The following MYO18B variants were observed in gnomAD, a reference collection of about 807,000 sequenced individuals.
The protein encoded by MYO18B is myosin XVIIIB.
MYO18B carries 204 observed loss-of-function variants against 273.0 expected under a neutral mutation model. That is an observed-to-expected ratio of 0.75 (90% confidence interval 0.67 to 0.84). The LOEUF is 0.84. MYO18B is among the 40% of genes least tolerant of loss of function. The pLI is 0.00. For synonymous variants in MYO18B, 1,330 were observed against 1,305.7 expected (o/e 1.02, Z -0.40); for missense variants, 3,212 against 3,287.6 (o/e 0.98, Z 0.56).
At position 25,955,104 on chromosome 22, in the gene MYO18B, A is replaced by G. The variant is rs562342494; in HGVS notation, c.5971-75A>G. The G allele has an allele frequency of 3.5e-4, 488 of 1,409,766 alleles. 4 individuals are homozygous for G. The highest frequency in any genetic ancestry group is 2.9e-3 in the Middle Eastern group (16 of 5,440). 87.3% of individuals were successfully genotyped at this position (1,409,766 alleles called of 1,614,324 possible). On this transcript the variant is annotated intron_variant, in intron 38 of 43. Transcript: ENST00000335473. The stretch of plus-strand genomic sequence containing the variant: ...ACACAGGAAACTCGGCAAAGGATTT[A>G]TCTTCCTGAGGCTCCCTTGTTTCAT...
At chr22:25,939,367 A>G (rs2092617647) in intron 34 of MYO18B, among the ~76,000 whole-genome samples, 1 of 152,252 alleles carries the variant, frequency 6.6e-6, no homozygotes, top group Non-Finnish European at 1.5e-5. Flanking sequence ...CAGCTTTAAG[A>G]TACAACAGCA....
chr22:25,802,707 C>T (rs527922910), intron 12 of MYO18B, among the ~76,000 whole-genome samples: 44 of 145,032 alleles, frequency 3.0e-4, no homozygotes, highest in African/African-American at 9.5e-4. Flanking sequence ...GAGCTGAGAT[C>T]GCGCTGCTGC....
intron 37 of MYO18B, 100 bp downstream of exon 37, chr22:25,950,550 G>GTGTA (rs539614518): frequency 1.4e-4 from 104 of 740,588 alleles, no homozygotes; most frequent in Middle Eastern, 1.1e-3. Flanking sequence ...GTGTGTGTGT[G>GTGTA]TATGAGTTTA....
Position 25,795,567 on chromosome 22 carries a change from C to T in MYO18B, c.2377-2386C>T, listed in dbSNP as rs564816315. On this transcript the variant is annotated intron_variant, in intron 11 of 43. Coordinates refer to ENST00000335473, the MANE Select transcript of MYO18B (RefSeq NM_032608.7). The stretch of plus-strand genomic sequence containing the variant: ...AAATGTGTGGGCACTGTCCTTTTGG[C>T]GCCCTTTTTCTGCTACTTTGAGATC... 3.9e-5 allele frequency among the ~76,000 whole-genome samples: 6 copies of T among 152,234 alleles called. No homozygotes were observed. The South Asian group carries it at 8.3e-4, about 21-fold the overall frequency.
chr22:25,837,957 T>C (rs1055682787), intron 17 of MYO18B, among the ~76,000 whole-genome samples: 1 of 152,148 alleles, frequency 6.6e-6, no homozygotes, highest in Non-Finnish European at 1.5e-5. Context: ...GGTGATTTAC[T>C]GCACAGATTG....
intron 31 of MYO18B, among the ~76,000 whole-genome samples, chr22:25,907,864 G>A (rs551073348): frequency 6.6e-5 from 10 of 152,114 alleles, no homozygotes; most frequent in South Asian, 2.1e-4. Context: ...GAGAAACTCC[G>A]TTTCTACTAA....
chr22:25,930,545 C>T (rs2092484024), intron 34 of MYO18B, among the ~76,000 whole-genome samples: 2 of 151,476 alleles, frequency 1.3e-5, no homozygotes, highest in African/African-American at 4.9e-5. Context: ...AGGTCTTGCC[C>T]TGTCATCCAG....
intron 1 of MYO18B, among the ~76,000 whole-genome samples, chr22:25,746,910 A>G (rs2085795634): frequency 6.6e-6 from 1 of 152,178 alleles, no homozygotes. Flanking sequence ...TCACGAGGTC[A>G]GGAGATCGAG....
intron 22 of MYO18B, 30 bp downstream of exon 22, chr22:25,868,415 G>A (rs762971928): frequency 6.4e-7 from 1 of 1,559,076 alleles, no homozygotes; most frequent in Admixed American, 1.9e-5. Context: ...TACAACATTC[G>A]CCCATCACAT....
chr22:25,962,055 C>T (rs1257405856), intron 39 of MYO18B, among the ~76,000 whole-genome samples: 1 of 152,194 alleles, frequency 6.6e-6, no homozygotes. Flanking sequence ...GTGCAGCCTG[C>T]AGAACCGTGA....
At chr22:25,984,955 A>G (rs780899011) in intron 39 of MYO18B, among the ~76,000 whole-genome samples, 2 of 152,190 alleles carry the variant, frequency 1.3e-5, no homozygotes, top group Non-Finnish European at 2.9e-5. Context: ...TTGATTAGAC[A>G]TGCCTGCCAT....
chr22:25,877,070 T>C (rs151130184), intron 24 of MYO18B: 4 of 152,304 alleles, frequency 2.6e-5, no homozygotes, highest in African/African-American at 9.6e-5. Flanking sequence ...CCCTGGAGGA[T>C]GAAGTGCTGA....
chr22:25,797,854 C>T lies in MYO18B; in HGVS notation c.2377-99C>T, dbSNP rs930967664. On this transcript the variant is annotated intron_variant, in intron 11 of 43. Coordinates refer to ENST00000335473, the MANE Select transcript of MYO18B (RefSeq NM_032608.7). Reference sequence around the variant, plus strand: ...TAATTTATTGTGGCAATAAAATGACCCCCGCATTCCTTCGAGACGGAGCTC... The same window carrying T: ...TAATTTATTGTGGCAATAAAATGACTCCCGCATTCCTTCGAGACGGAGCTC... 36 of 1,536,180 alleles carry T rather than the reference C, an allele frequency of 2.3e-5. No homozygotes were observed. The African/African-American group carries it at 4.5e-4, about 19-fold the overall frequency.
chr22:25,922,464 G>A (rs571376408), intron 34 of MYO18B, among the ~76,000 whole-genome samples: 1 of 152,290 alleles, frequency 6.6e-6, no homozygotes, highest in Admixed American at 6.5e-5. Flanking sequence ...CAGGAACTCA[G>A]GATTTGCTAC....
At chr22:25,747,019 G>A (rs1401250393) in intron 1 of MYO18B, among the ~76,000 whole-genome samples, 1 of 152,216 alleles carries the variant, frequency 6.6e-6, no homozygotes, top group Non-Finnish European at 1.5e-5. Flanking sequence ...CTACTCGGGA[G>A]GCTGAGGCAG....
intron 15 of MYO18B, among the ~76,000 whole-genome samples, chr22:25,830,615 G>A (rs2089671327): frequency 6.6e-6 from 1 of 152,176 alleles, no homozygotes. Flanking sequence ...GGCTAGCTTG[G>A]GCTGTCCTTG....
At chr22:25,910,225 G>A (rs2092129018) in intron 32 of MYO18B, among the ~76,000 whole-genome samples, 1 of 152,182 alleles carries the variant, frequency 6.6e-6, no homozygotes, top group Non-Finnish European at 1.5e-5. Flanking sequence ...CAGTTCTGGA[G>A]GCTGGGAAAT....
chr22:25,898,898 C>T (rs920195892), intron 29 of MYO18B: 14 of 163,884 alleles, frequency 8.5e-5, no homozygotes, highest in Admixed American at 2.3e-4. Context: ...ATTCCTTATC[C>T]GTAGGTTGGT....
At chr22:25,921,176 C>T (rs1437121716) in intron 33 of MYO18B, 81 bp from the exon 34 acceptor site, 1 of 1,427,504 alleles carries the variant, frequency 7.0e-7, no homozygotes, top group Non-Finnish European at 9.4e-7. Flanking sequence ...AGGATTTAAA[C>T]CAGGGAACCT....
Sources: gnomAD v4.1 joint callset for allele counts (sites outside exome capture counted in the v4.1 genomes callset) on GRCh38, gnomAD v4.1.1 for gene constraint, MANE v1.5 for transcripts, NCBI Gene and HGNC (gene_info 2026-07-23, HGNC 2026-07-21) for gene names.